ROBO2: variants seen among roughly 807,000 people sequenced by gnomAD.
ROBO2 encodes the protein roundabout guidance receptor 2.
In ROBO2, 53 loss-of-function variants were observed where a neutral mutation model predicts 160.8. The ratio of observed to expected loss-of-function variants is 0.33; its 90% CI spans 0.26 to 0.41. ROBO2 has a LOEUF of 0.41. Ranked by LOEUF, ROBO2 falls within the 10% of genes least tolerant of loss-of-function variation. The pLI, the probability that ROBO2 is intolerant of heterozygous loss-of-function variation, is 1.00. For synonymous variants in ROBO2, 664 were observed against 611.7 expected, an observed-to-expected ratio of 1.09 and a Z score of -1.26; for missense variants, 1,577 against 1,722.4, an observed-to-expected ratio of 0.92 and a Z score of 1.49.
intron 2 of ROBO2, among the ~76,000 whole-genome samples, chr3:77,362,653 C>A (rs1458063440): frequency 6.6e-6 from 1 of 152,080 alleles, no homozygotes; most frequent in Non-Finnish European, 1.5e-5. Context: ...CCCAGTGGGA[C>A]TAAATTAGGC....
exon 1 of ROBO2, chr3:77,040,393 T>C (rs548211542): frequency 2.0e-6 from 2 of 1,017,198 alleles, no homozygotes; most frequent in Non-Finnish European, 2.3e-6. Flanking sequence ...TGGAACACTT[T>C]CTAGGAATTA....
intron 1 of ROBO2, among the ~76,000 whole-genome samples, chr3:77,063,209 G>A (rs570660574): frequency 3.3e-4 from 50 of 152,246 alleles, no homozygotes; most frequent in African/African-American, 1.0e-3. Context: ...GTAAGGTTTC[G>A]CCAAGGGCTA....
At chr3:77,048,337 T>C (rs950604940) in intron 1 of ROBO2, among the ~76,000 whole-genome samples, 1 of 152,172 alleles carries the variant, frequency 6.6e-6, no homozygotes, top group South Asian at 2.1e-4. Flanking sequence ...TACACAGCTG[T>C]GACAGTTGTG....
intron 5 of ROBO2, among the ~76,000 whole-genome samples, chr3:77,494,213 C>G (rs2086498283): frequency 6.6e-6 from 1 of 152,150 alleles, no homozygotes; most frequent in Non-Finnish European, 1.5e-5. Context: ...TTATAACCAT[C>G]ATGCATTCTC....
chr3:76,661,544 G>A (rs2091821392), intron 2 of ROBO2, among the ~76,000 whole-genome samples: 1 of 152,162 alleles, frequency 6.6e-6, no homozygotes, highest in South Asian at 2.1e-4. Flanking sequence ...TAGACGTAAG[G>A]TGTACATTGG....
intron 2 of ROBO2, among the ~76,000 whole-genome samples, chr3:76,913,919 T>C (rs557895192): frequency 6.6e-6 from 1 of 151,334 alleles, no homozygotes; most frequent in African/African-American, 2.4e-5. Flanking sequence ...AATACTCCTT[T>C]AGAGGAGTAA....
chr3:76,204,829 T>C (rs910836223), intron 2 of ROBO2, among the ~76,000 whole-genome samples: 4 of 152,212 alleles, frequency 2.6e-5, no homozygotes, highest in African/African-American at 9.6e-5. Context: ...TGAAAGATGT[T>C]AAATAAAAAC....
At chr3:76,026,521 T>G (rs1375360789) in intron 2 of ROBO2, among the ~76,000 whole-genome samples, 2 of 151,944 alleles carry the variant, frequency 1.3e-5, no homozygotes, top group Admixed American at 1.3e-4. Context: ...AAGCATATTT[T>G]CACTGCCAAG....
chr3:76,118,160 T>C (rs1234591929), intron 2 of ROBO2, among the ~76,000 whole-genome samples: 1 of 152,044 alleles, frequency 6.6e-6, no homozygotes, highest in Non-Finnish European at 1.5e-5. Flanking sequence ...AAGACACCAA[T>C]TTGAAAAGAG....
At chr3:76,153,374 G>A (rs989056323) in intron 2 of ROBO2, among the ~76,000 whole-genome samples, 1 of 152,032 alleles carries the variant, frequency 6.6e-6, no homozygotes, top group Non-Finnish European at 1.5e-5. Flanking sequence ...TTTGACTTCC[G>A]TTTCATCTTA....
intron 2 of ROBO2, among the ~76,000 whole-genome samples, chr3:76,368,353 T>C (rs562123525): frequency 6.6e-6 from 1 of 152,030 alleles, no homozygotes; most frequent in Non-Finnish European, 1.5e-5. Flanking sequence ...CTATTTATCA[T>C]AGTTCATGAT....
At chr3:77,613,361 C>T (rs889510514) in intron 21 of ROBO2, among the ~76,000 whole-genome samples, 3 of 151,916 alleles carry the variant, frequency 2.0e-5, no homozygotes, top group South Asian at 2.1e-4. Flanking sequence ...TGAACATTTT[C>T]GTTCTTTTTT....
intron 2 of ROBO2, among the ~76,000 whole-genome samples, chr3:77,380,710 T>TTCCTTCCTTCCC (rs1007336987): frequency 1.5e-5 from 2 of 137,024 alleles, no homozygotes; most frequent in African/African-American, 5.3e-5. Context: ...CCTCCCTTCC[T>TTCCTTCCTTCCC]TCCTTCCTTC....
chr3:76,253,340 A>C (rs186759337), intron 2 of ROBO2, among the ~76,000 whole-genome samples: 300 of 152,094 alleles, frequency 2.0e-3, no homozygotes, highest in Non-Finnish European at 3.3e-3. Context: ...TGACATGACC[A>C]CAGCTCACTG....
chr3:77,027,658 A>T (rs2063051749), intron 2 of ROBO2, among the ~76,000 whole-genome samples: 2 of 152,188 alleles, frequency 1.3e-5, no homozygotes, highest in African/African-American at 4.8e-5. Flanking sequence ...TAGTTAGTAG[A>T]GTCCTCTGAG....
At chr3:76,593,026 C>G (rs2086514562) in intron 2 of ROBO2, among the ~76,000 whole-genome samples, 1 of 152,084 alleles carries the variant, frequency 6.6e-6, no homozygotes, top group South Asian at 2.1e-4. Context: ...ACAGATACAT[C>G]ATAATCACAA....
At chr3:75,960,196 C>T (rs1219174652) in intron 2 of ROBO2, among the ~76,000 whole-genome samples, 32 of 151,768 alleles carry the variant, frequency 2.1e-4, no homozygotes, top group Admixed American at 2.1e-3. Context: ...TTTAGTGAGT[C>T]AGCTTCTCCT....
chr3:77,072,783 G>T (rs1453107969), intron 1 of ROBO2, among the ~76,000 whole-genome samples: 1 of 152,172 alleles, frequency 6.6e-6, no homozygotes, highest in Non-Finnish European at 1.5e-5. Flanking sequence ...ATATGTAGTA[G>T]AGAGTATAAA....
chr3:75,963,429 T>C (rs1948994909), intron 2 of ROBO2, among the ~76,000 whole-genome samples: 1 of 151,816 alleles, frequency 6.6e-6, no homozygotes, highest in Non-Finnish European at 1.5e-5. Context: ...ACTTCCAGCC[T>C]CAAGTGATCC....
Sources: gnomAD v4.1 joint callset for allele counts (sites outside exome capture counted in the v4.1 genomes callset) on GRCh38, gnomAD v4.1.1 for gene constraint, MANE v1.5 for transcripts, NCBI Gene and HGNC (gene_info 2026-07-23, HGNC 2026-07-21) for gene names.